Variants in VPS13D observed in about 807,000 individuals in gnomAD.
VPS13D encodes the protein intermembrane lipid transfer protein VPS13D.
A neutral mutation model predicts 461.9 loss-of-function variants in VPS13D; 187 were observed. That is an observed-to-expected ratio of 0.40 (90% confidence interval 0.36 to 0.46). The LOEUF is 0.46. Among genes scored for constraint, VPS13D ranks in the 20% least tolerant of loss-of-function variants. The probability of loss-of-function intolerance (pLI) is 0.60; values close to 1 mark genes in which losing one functional copy is unlikely to be tolerated. For missense variants in VPS13D, 4,711 were observed against 5,364.9 expected (o/e 0.88, Z 3.81); for synonymous variants, 1,951 against 1,986.3 (o/e 0.98, Z 0.47).
chr1:12,455,902 C>T (rs1645320228), intron 65 of VPS13D, 96 bp from the exon 66 acceptor site: 2 of 1,422,480 alleles, frequency 1.4e-6, no homozygotes, highest in East Asian at 5.1e-5. Flanking sequence ...ATGGGCTTAT[C>T]TAATTGTATT....
intron 60 of VPS13D, among the ~76,000 whole-genome samples, chr1:12,399,738 G>A (rs1293195336): frequency 6.6e-6 from 1 of 150,700 alleles, no homozygotes; most frequent in African/African-American, 2.5e-5. Flanking sequence ...AGAATCGCTT[G>A]AATCCAGGAG....
chr1:12,380,595 G>T (rs1644260321), intron 57 of VPS13D, among the ~76,000 whole-genome samples: 4 of 152,200 alleles, frequency 2.6e-5, no homozygotes, highest in Admixed American at 6.5e-5. Context: ...TGAGAACAGG[G>T]GTCTGAGAAG....
In VPS13D at chr1:12,272,790, AT is replaced by A. The variant is rs540671831; in HGVS notation, c.2104-205del. Among the ~76,000 whole-genome samples the A allele has an allele frequency of 4.3e-4, 65 of 151,944 alleles. 1 individual carries two copies. The East Asian group carries it at 7.3e-3, about 17-fold the overall frequency. On this transcript the variant is annotated intron_variant, in intron 17 of 69. Transcript: ENST00000620676. ...ACTCTCCCCTATTTAGTTATTTGCTATTTTTTTTCTCCCCTGTTCAGATACT... is the reference window on the plus strand; with the variant it reads ...ACTCTCCCCTATTTAGTTATTTGCTATTTTTTTCTCCCCTGTTCAGATACT...
intron 17 of VPS13D, 151 bp from the exon 18 acceptor site, chr1:12,272,852 C>A: frequency 9.3e-7 from 1 of 1,074,208 alleles, no homozygotes; most frequent in Non-Finnish European, 1.3e-6. Flanking sequence ...CAAGCATTTA[C>A]ATCTACTTTT....
chr1:12,437,107 T>C (rs1645072526), intron 65 of VPS13D, among the ~76,000 whole-genome samples: 5 of 152,186 alleles, frequency 3.3e-5, no homozygotes, highest in Admixed American at 3.3e-4. Flanking sequence ...ACTCACTTTT[T>C]ATATAATTAG....
intron 65 of VPS13D, among the ~76,000 whole-genome samples, chr1:12,431,625 T>A (rs1644993201): frequency 6.6e-6 from 1 of 151,790 alleles, no homozygotes; most frequent in African/African-American, 2.4e-5. Context: ...GTTCCATGAG[T>A]ACAAGGGACT....
rs146923931 is a variant in VPS13D, at chr1:12,480,969, G to A, written c.12663-16531G>A. Among the ~76,000 whole-genome samples, 923 of 152,260 alleles carry A rather than the reference G, an allele frequency of 6.1e-3. 10 individuals carry two copies. The highest frequency in any genetic ancestry group is 0.021 in the Admixed American group (324 of 15,292). On this transcript the variant is annotated intron_variant, in intron 67 of 69. Transcript: ENST00000620676. ...CTTTGTCAACTTCAAGTTTGCCCTAGGCCTGCTTGCTTCTCTCCACCCCAA... is the reference window on the plus strand; with the variant it reads ...CTTTGTCAACTTCAAGTTTGCCCTAAGCCTGCTTGCTTCTCTCCACCCCAA...
At position 12,511,139 on chromosome 1, in the gene VPS13D, A is replaced by T. The variant is rs566908862; in HGVS notation, c.*2115A>T. 24 of 152,374 alleles carry T rather than the reference A, an allele frequency of 1.6e-4. No individual in the cohort carries two copies. In the East Asian group the frequency reaches 4.6e-3, roughly 29 times the overall value. 9.4% of individuals were successfully genotyped at this position (152,374 alleles called of 1,614,324 possible). A position where few individuals can be genotyped will look rare whatever the true frequency, so the allele number is the denominator to read the frequency against. On this transcript the variant is annotated 3_prime_UTR_variant, in exon 70 of 70. Coordinates refer to ENST00000620676, the MANE Select transcript of VPS13D (RefSeq NM_015378.4). This position sits in a 1 kb window ranked among gnomAD's most constrained non-coding sequence, Gnocchi z 4.5. ...GGCTGGTGCTTCAGGAGGAATCCAG[A>T]GAAGTGTTCAGATGCCCCCCTTGGG... is the stretch of plus-strand genomic sequence containing the variant.
rs1641722171 is a variant in VPS13D at position 12,279,772 on chromosome 1, C to T, written c.4602+122C>T. On this transcript the variant is annotated intron_variant, in intron 20 of 69. Transcript: ENST00000620676. This position sits in a 1 kb window ranked among gnomAD's most constrained non-coding sequence, Gnocchi z 4.3. The stretch of plus-strand genomic sequence containing the variant: ...TATTTTCAAAGATATATCACCCATG[C>T]ATAATACCATTGTTGAAACCTTGTT... 5.9e-6 allele frequency: 5 copies of T among 841,388 alleles called. No individual in the cohort carries two copies. The highest frequency in any genetic ancestry group is 8.2e-6 in the Non-Finnish European group (5 of 610,424). 52.1% of individuals were successfully genotyped at this position (841,388 alleles called of 1,614,324 possible).
At chr1:12,470,385 T>C (rs1390352290) in intron 67 of VPS13D, among the ~76,000 whole-genome samples, 1 of 152,132 alleles carries the variant, frequency 6.6e-6, no homozygotes, top group East Asian at 1.9e-4. Context: ...CCTCCTGAGG[T>C]GTTAGAGGCC....
intron 52 of VPS13D, among the ~76,000 whole-genome samples, chr1:12,363,528 A>G (rs1643981832): frequency 1.3e-5 from 2 of 152,354 alleles, no homozygotes; most frequent in South Asian, 4.1e-4. Flanking sequence ...GTCTGCATTT[A>G]GATGGTAACG....
Position 12,511,174 on chromosome 1 carries a change from A to T in VPS13D, c.*2150A>T, listed in dbSNP as rs1427800224. ...AGATGCCCCCCTTGGGCTCCTTTCT[A>T]ATTTTAATCAGCTCTTTAAATAGCT... is the stretch of plus-strand genomic sequence containing the variant. On this transcript the variant is annotated 3_prime_UTR_variant, in exon 70 of 70. Transcript: ENST00000620676. This position sits in a 1 kb window ranked among gnomAD's most constrained non-coding sequence, Gnocchi z 4.5. 1 of 152,160 alleles carries T rather than the reference A, an allele frequency of 6.6e-6. No homozygotes were observed. The highest frequency in any genetic ancestry group is 1.9e-4 in the East Asian group (1 of 5,194). 9.4% of individuals were successfully genotyped at this position (152,160 alleles called of 1,614,324 possible). A position where few individuals can be genotyped will look rare whatever the true frequency, so the allele number is the denominator to read the frequency against.
At chr1:12,282,431 A>G (rs555523211) in intron 20 of VPS13D, among the ~76,000 whole-genome samples, 7 of 152,342 alleles carry the variant, frequency 4.6e-5, no homozygotes, top group African/African-American at 1.7e-4. Context: ...TTGTGGGGTC[A>G]GAAAAAGTGA....
intron 26 of VPS13D, among the ~76,000 whole-genome samples, chr1:12,307,508 T>C (rs1642600236): frequency 6.6e-6 from 1 of 152,138 alleles, no homozygotes; most frequent in Admixed American, 6.5e-5. Context: ...TGTTTCTTTT[T>C]TGTTTTGAGA....
intron 25 of VPS13D, among the ~76,000 whole-genome samples, chr1:12,301,886 C>T (rs1642433714): frequency 6.6e-6 from 1 of 152,182 alleles, no homozygotes; most frequent in Non-Finnish European, 1.5e-5. Flanking sequence ...GTGTCAGGGA[C>T]TAAGACCAAA....
intron 67 of VPS13D, among the ~76,000 whole-genome samples, chr1:12,461,106 A>G (rs57752679): frequency 0.011 from 1,657 of 152,306 alleles, 30 homozygotes; most frequent in African/African-American, 0.037. Context: ...TCCCTTTTCC[A>G]GAGTGACTAA....
intron 65 of VPS13D, among the ~76,000 whole-genome samples, chr1:12,441,180 A>G (rs568315823): frequency 3.3e-5 from 5 of 152,150 alleles, no homozygotes; most frequent in African/African-American, 7.2e-5. Flanking sequence ...GCCCATCTCA[A>G]CCTCCCAAAG....
intron 36 of VPS13D, among the ~76,000 whole-genome samples, chr1:12,328,984 C>G (rs577748049): frequency 6.6e-6 from 1 of 152,318 alleles, no homozygotes; most frequent in Admixed American, 6.5e-5. Flanking sequence ...CATTACAGAG[C>G]TTGCCCTTTC....
chr1:12,425,927 C>T (rs1005049137), intron 65 of VPS13D, among the ~76,000 whole-genome samples: 3 of 152,236 alleles, frequency 2.0e-5, no homozygotes, highest in African/African-American at 7.2e-5. Flanking sequence ...GTTGTAGAAG[C>T]AAAACCATGA....
Sources: gnomAD v4.1 joint callset for allele counts (sites outside exome capture counted in the v4.1 genomes callset) on GRCh38, gnomAD v4.1.1 for gene constraint, Gnocchi (gnomAD v3.1) non-coding constraint, MANE v1.5 for transcripts, NCBI Gene and HGNC (gene_info 2026-07-23, HGNC 2026-07-21) for gene names.